Variants in SYTL3 observed in about 807,000 individuals in gnomAD.
SYTL3 encodes the protein synaptotagmin-like protein 3.
A neutral mutation model predicts 82.1 loss-of-function variants in SYTL3; 88 were observed. The observed-to-expected ratio is 1.07, with a 90% CI of 0.90 to 1.28. The LOEUF (loss-of-function observed/expected upper bound fraction) is 1.28. Among genes scored for constraint, SYTL3 ranks in the 50% most tolerant of loss-of-function variants. SYTL3 has a pLI of 0.00. For missense variants in SYTL3, 831 were observed against 757.6 expected (o/e 1.10, Z -1.14); for synonymous variants, 311 against 289.4 (o/e 1.07, Z -0.76).
At chr6:158,720,587 C>T (rs143887208) in intron 10 of SYTL3, among the ~76,000 whole-genome samples, 10 of 152,084 alleles carry the variant, frequency 6.6e-5, no homozygotes, top group South Asian at 2.1e-4. Context: ...CAGGAAGGGG[C>T]GTGTGGAAGC....
chr6:158,680,914 TAGAG>T (rs991308803), intron 5 of SYTL3, among the ~76,000 whole-genome samples: 7 of 152,208 alleles, frequency 4.6e-5, no homozygotes, highest in Non-Finnish European at 7.3e-5. Flanking sequence ...TAGCACTTCA[TAGAG>T]AAAGATAGCA....
chr6:158,727,017 T>A (rs1303512930), intron 11 of SYTL3, among the ~76,000 whole-genome samples: 3 of 150,902 alleles, frequency 2.0e-5, no homozygotes, highest in African/African-American at 7.3e-5. Context: ...ACCCGGCTAA[T>A]TTTTTTGTAT....
rs201468965 is a variant in SYTL3, at chr6:158,745,585, C to T, written c.961C>T (p.His321Tyr). ...TGCCATTCATTATTGCTTCAAAACCCATTCTTTAGAAATATGCATCAAGGC... is the reference window on the plus strand; with the variant it reads ...TGCCATTCATTATTGCTTCAAAACCTATTCTTTAGAAATATGCATCAAGGC... Reference protein sequence around the residue: ...EFAIHYCFKTHSLEICIKACK... With the variant: ...EFAIHYCFKTYSLEICIKACK... Residue 321 changes from histidine to tyrosine, a missense_variant, in exon 12 of 18, where the codon CAT becomes TAT. By Grantham distance (83) the His-to-Tyr change is moderately conservative. Coordinates refer to ENST00000611299, the MANE Select transcript of SYTL3 (RefSeq NM_001242394.2). The T allele has an allele frequency of 6.2e-7, 1 of 1,613,556 alleles. No homozygotes were observed. Among genetic ancestry groups the T allele is most frequent in the Non-Finnish European group, 8.5e-7 (1 of 1,179,920 alleles).
intron 14 of SYTL3, among the ~76,000 whole-genome samples, chr6:158,759,818 AC>A (rs2128548332): frequency 6.6e-6 from 1 of 152,298 alleles, no homozygotes; most frequent in South Asian, 2.1e-4. Context: ...GGCATGAGTC[AC>A]CATGCTTGGC....
Position 158,752,012 on chromosome 6 carries a change from C to T in SYTL3, c.1119C>T (p.Thr373=), listed in dbSNP as rs890572954. ...TGVQRNTVDP[T]FQETLKYQVA... is the part of the protein sequence containing the mutation. ...TCCAAAGGAACACCGTGGACCCGAC[C>T]TTTCAGGAGACCTTGAAGGTACTTG... The change falls in exon 13 of 18, where the codon ACC becomes ACT. Residue 373 remains threonine, a synonymous_variant. Coordinates refer to ENST00000611299, the MANE Select transcript of SYTL3 (RefSeq NM_001242394.2). The T allele has an allele frequency of 3.1e-6, 5 of 1,596,906 alleles. No individual in the cohort carries two copies. In the African/African-American group the frequency reaches 4.1e-5, roughly 13 times the overall value.
chr6:158,658,514 C>G (rs1215027901), intron 2 of SYTL3, among the ~76,000 whole-genome samples: 1 of 152,160 alleles, frequency 6.6e-6, no homozygotes, highest in Non-Finnish European at 1.5e-5. Flanking sequence ...AGAGAAATGA[C>G]CTTCATAGCT....
At chr6:158,722,887 T>C (rs1784290757) in intron 10 of SYTL3, among the ~76,000 whole-genome samples, 1 of 145,076 alleles carries the variant, frequency 6.9e-6, no homozygotes, top group African/African-American at 2.5e-5. Flanking sequence ...TGTCTCAGCC[T>C]CCTGAGTAGC....
At chr6:158,702,069 C>T (rs1358909133) in intron 6 of SYTL3, among the ~76,000 whole-genome samples, 1 of 151,950 alleles carries the variant, frequency 6.6e-6, no homozygotes, top group Non-Finnish European at 1.5e-5. Context: ...CAGTCCTGGG[C>T]TCAAGCTATC....
At chr6:158,737,823 C>T (rs1562444862) in intron 11 of SYTL3, among the ~76,000 whole-genome samples, 3 of 152,166 alleles carry the variant, frequency 2.0e-5, no homozygotes, top group Non-Finnish European at 4.4e-5. Flanking sequence ...GAGGGTGTAT[C>T]CTCCCCGTCC....
At chr6:158,686,812 C>G (rs1045877435) in intron 6 of SYTL3, among the ~76,000 whole-genome samples, 1 of 152,146 alleles carries the variant, frequency 6.6e-6, no homozygotes, top group African/African-American at 2.4e-5. Context: ...ACCCTCCGAC[C>G]CTGTTGAGCT....
In SYTL3 at chr6:158,764,514, C is replaced by G. The variant is rs201342455; in HGVS notation, c.1743C>G (p.Gly581=). 6.0e-5 allele frequency: 97 copies of G among 1,613,580 alleles called. No individual in the cohort carries two copies. The highest frequency in any genetic ancestry group is 7.7e-5 in the Non-Finnish European group (91 of 1,179,784). Residue 581 remains glycine (G), a synonymous_variant, in exon 18 of 18, where the codon GGC becomes GGG. Transcript: ENST00000611299. ...RLGSKGDTAV[G]GDACSLSKLQ... The stretch of plus-strand genomic sequence containing the variant: ...TTACAGAGGGAGACACAGCTGTTGG[C>G]GGGGATGCATGCTCACTATCGAAGC...
chr6:158,745,352 A>G (rs890149363), intron 11 of SYTL3, 128 bp from the exon 12 acceptor site: 1 of 804,306 alleles, frequency 1.2e-6, no homozygotes, highest in Non-Finnish European at 1.9e-6. Flanking sequence ...AAGCTGGTGC[A>G]TTATTAACTT....
rs76138872 is a variant in SYTL3, at chr6:158,709,031, G to A, written c.516+640G>A. ...GTGGGTCACTTGAGGATAGGAGTTC[G>A]AGACCAGCCTGGCCAACATGGTGAA... On this transcript the variant is annotated intron_variant, in intron 8 of 17. Coordinates refer to ENST00000611299, the MANE Select transcript of SYTL3 (RefSeq NM_001242394.2). Among the ~76,000 whole-genome samples, 1,001 of 152,240 alleles carry A rather than the reference G, an allele frequency of 6.6e-3. 8 individuals carry two copies. The highest frequency in any genetic ancestry group is 0.022 in the African/African-American group (933 of 41,528).
intron 6 of SYTL3, among the ~76,000 whole-genome samples, chr6:158,698,396 CAAAA>C (rs561053825): frequency 8.8e-6 from 1 of 113,328 alleles, no homozygotes. Context: ...GACTCTGTCT[CAAAA>C]AAAAAAAAAA....
intron 5 of SYTL3, among the ~76,000 whole-genome samples, chr6:158,668,355 A>G (rs1790345871): frequency 6.6e-6 from 1 of 152,126 alleles, no homozygotes; most frequent in African/African-American, 2.4e-5. Context: ...CAGCCTCCCA[A>G]GTAGCTGGGA....
At chr6:158,672,041 A>C (rs576572445) in intron 5 of SYTL3, among the ~76,000 whole-genome samples, 1 of 152,260 alleles carries the variant, frequency 6.6e-6, no homozygotes, top group African/African-American at 2.4e-5. Context: ...CTGTAATCCC[A>C]GCACTTTGGG....
intron 12 of SYTL3, among the ~76,000 whole-genome samples, chr6:158,745,861 A>G (rs911801292): frequency 6.6e-6 from 1 of 152,224 alleles, no homozygotes; most frequent in Non-Finnish European, 1.5e-5. Flanking sequence ...AAGTAGAATC[A>G]AAAGTCCAGA....
chr6:158,722,661 C>A (rs1352971273), intron 10 of SYTL3, among the ~76,000 whole-genome samples: 1 of 151,686 alleles, frequency 6.6e-6, no homozygotes, highest in Non-Finnish European at 1.5e-5. Flanking sequence ...AAAACATGCA[C>A]CTGTTAAACA....
intron 8 of SYTL3, among the ~76,000 whole-genome samples, chr6:158,708,778 C>A (rs998688612): frequency 3.7e-4 from 57 of 152,236 alleles, no homozygotes; most frequent in African/African-American, 1.4e-3. Context: ...TGTTTGCAGG[C>A]TCTGATGTAC....
Sources: gnomAD v4.1 joint callset for allele counts (sites outside exome capture counted in the v4.1 genomes callset) on GRCh38, gnomAD v4.1.1 for gene constraint, MANE v1.5 for transcripts, NCBI Gene and HGNC (gene_info 2026-07-23, HGNC 2026-07-21) for gene names.